TRIP12: variants seen among roughly 807,000 people sequenced by gnomAD.
The protein encoded by TRIP12 is thyroid hormone receptor interactor 12.
In TRIP12, 25 loss-of-function variants were observed where a neutral mutation model predicts 244.2. The ratio of observed to expected loss-of-function variants is 0.10; its 90% CI spans 0.07 to 0.14. The LOEUF (loss-of-function observed/expected upper bound fraction) is 0.14. Ranked by LOEUF, TRIP12 falls within the 10% of genes least tolerant of loss-of-function variation. TRIP12 has a pLI of 1.00. For synonymous variants in TRIP12, 905 were observed against 873.1 expected (o/e 1.04, Z -0.64); for missense variants, 1,677 against 2,486.4 (o/e 0.67, Z 6.92).
intron 13 of TRIP12, 27 bp downstream of exon 13, chr2:229,813,843 G>A: frequency 7.0e-7 from 1 of 1,420,802 alleles, no homozygotes; most frequent in Non-Finnish European, 9.4e-7. Flanking sequence ...AACACTTTAT[G>A]GCACATAAAA....
In TRIP12 at chr2:229,778,771, A is replaced by G; in HGVS notation, c.5209+105T>C. 1 of 1,347,912 alleles carries G rather than the reference A, an allele frequency of 7.4e-7. No homozygotes were observed. The highest frequency in any genetic ancestry group is 1.0e-6 in the Non-Finnish European group (1 of 968,956). 83.5% of individuals were successfully genotyped at this position (1,347,912 alleles called of 1,614,324 possible). ...AATGAGAAAACAGAGGCTAAAAGAAAGCAAGTACAGCTGTCCATTAGAAAT... is the reference window on the plus strand; with the variant it reads ...AATGAGAAAACAGAGGCTAAAAGAAGGCAAGTACAGCTGTCCATTAGAAAT... On this transcript the variant is annotated intron_variant, in intron 35 of 41. Coordinates refer to ENST00000675903, the MANE Select transcript of TRIP12 (RefSeq NM_001348323.3). This position sits in a 1 kb window ranked among gnomAD's most constrained non-coding sequence, Gnocchi z 4.1.
chr2:229,823,632 C>A (rs796325645), intron 8 of TRIP12, among the ~76,000 whole-genome samples: 6 of 151,080 alleles, frequency 4.0e-5, no homozygotes, highest in Non-Finnish European at 8.8e-5. Flanking sequence ...GCTGAGATCG[C>A]GCCACTGCAC....
intron 1 of TRIP12, among the ~76,000 whole-genome samples, chr2:229,896,865 AG>A (rs1435848490): frequency 6.6e-6 from 1 of 152,234 alleles, no homozygotes; most frequent in Non-Finnish European, 1.5e-5. Context: ...AAAAACTTTT[AG>A]GGTGGTAAAA....
intron 2 of TRIP12, among the ~76,000 whole-genome samples, chr2:229,878,222 A>G (rs1168103529): frequency 6.6e-6 from 1 of 152,088 alleles, no homozygotes; most frequent in East Asian, 1.9e-4. Context: ...GGCCAAGGCC[A>G]ATGGATCACT....
At chr2:229,827,715 T>C (rs930288036) in intron 8 of TRIP12, among the ~76,000 whole-genome samples, 9 of 152,208 alleles carry the variant, frequency 5.9e-5, no homozygotes, top group East Asian at 1.9e-4. Flanking sequence ...CTTTAGTATA[T>C]AGAAGGAATA....
intron 1 of TRIP12, among the ~76,000 whole-genome samples, chr2:229,883,210 T>G (rs1286307381): frequency 6.6e-6 from 1 of 152,084 alleles, no homozygotes; most frequent in Non-Finnish European, 1.5e-5. Context: ...TTCTGAATCC[T>G]GGTACTGAGC....
rs2075368065 is a variant in TRIP12 at position 229,916,328 on chromosome 2, CTAT to C, written c.-50+5549_-50+5551del. ...AAATCAGATAATCACTTGAACAGTG[CTAT>C]TAAGGAAAACACACAGTAGCAGGTA... is the stretch of plus-strand genomic sequence containing the variant. On this transcript the variant is annotated intron_variant, in intron 1 of 41. Coordinates refer to ENST00000675903, the MANE Select transcript of TRIP12 (RefSeq NM_001348323.3). 1.8e-4 allele frequency among the ~76,000 whole-genome samples: 28 copies of C among 152,284 alleles called. 1 individual carries two copies. In the South Asian group the frequency reaches 5.8e-3, roughly 32 times the overall value.
At chr2:229,780,706 G>A (rs2037856954) in intron 34 of TRIP12, among the ~76,000 whole-genome samples, 2 of 152,104 alleles carry the variant, frequency 1.3e-5, no homozygotes, top group African/African-American at 4.8e-5. Context: ...CCACTCAAAT[G>A]TCCTCAGACT....
intron 1 of TRIP12, among the ~76,000 whole-genome samples, chr2:229,890,398 C>A (rs1360553225): frequency 1.3e-5 from 2 of 152,144 alleles, no homozygotes; most frequent in South Asian, 2.1e-4. Flanking sequence ...CCACACCCAG[C>A]CTACAGAGGT....
intron 6 of TRIP12, among the ~76,000 whole-genome samples, chr2:229,834,544 G>C (rs553820495): frequency 6.6e-6 from 1 of 152,308 alleles, no homozygotes; most frequent in African/African-American, 2.4e-5. Flanking sequence ...CAGATCACTT[G>C]AGGTCAGGAG....
intron 1 of TRIP12, among the ~76,000 whole-genome samples, chr2:229,897,399 G>A (rs1326575713): frequency 1.3e-5 from 2 of 152,226 alleles, no homozygotes; most frequent in Admixed American, 6.5e-5. Flanking sequence ...TGTAATCCCA[G>A]CACTTTGGGA....
At chr2:229,848,098 T>C (rs1386348356) in intron 4 of TRIP12, among the ~76,000 whole-genome samples, 1 of 151,920 alleles carries the variant, frequency 6.6e-6, no homozygotes, top group East Asian at 1.9e-4. Flanking sequence ...GAAAAAAAGA[T>C]CTAAAAATAA....
chr2:229,844,177 T>C (rs1207348750), intron 4 of TRIP12, among the ~76,000 whole-genome samples: 1 of 152,204 alleles, frequency 6.6e-6, no homozygotes, highest in East Asian at 1.9e-4. Context: ...TAAGATGCTT[T>C]GGGGTACTTC....
intron 1 of TRIP12, 91 bp from the exon 2 acceptor site, chr2:229,880,219 T>C: frequency 1.3e-6 from 1 of 762,934 alleles, no homozygotes; most frequent in Non-Finnish European, 2.1e-6. Flanking sequence ...CATGGAAATT[T>C]TCTGCAAACT....
At chr2:229,800,785 G>T (rs2044089335) in intron 21 of TRIP12, among the ~76,000 whole-genome samples, 1 of 152,110 alleles carries the variant, frequency 6.6e-6, no homozygotes, top group Non-Finnish European at 1.5e-5. Context: ...CATTTGAGCT[G>T]GGCATGCTAG....
At chr2:229,782,153 A>C (rs988727913) in intron 34 of TRIP12, among the ~76,000 whole-genome samples, 23 of 152,170 alleles carry the variant, frequency 1.5e-4, no homozygotes, top group Admixed American at 1.2e-3. Flanking sequence ...CTGCAGTCTC[A>C]TAAGTAACAA....
intron 1 of TRIP12, among the ~76,000 whole-genome samples, chr2:229,897,065 G>A (rs1295299405): frequency 6.6e-6 from 1 of 152,198 alleles, no homozygotes; most frequent in Non-Finnish European, 1.5e-5. Flanking sequence ...TGCATGTTGA[G>A]GGGTAGAGGA....
Position 229,903,018 on chromosome 2 carries a change from C to CTTTTTTTTTTTTTTTTTTTTTTT in TRIP12, c.-50+18861_-50+18862insAAAAAAAAAAAAAAAAAAAAAAA, listed in dbSNP as rs57794819. Among the ~76,000 whole-genome samples the CTTTTTTTTTTTTTTTTTTTTTTT allele has an allele frequency of 1.9e-5, 2 of 104,898 alleles. 1 individual carries two copies. The allele number at this position is 104,898 out of a possible 152,430, so 68.8% of individuals were successfully genotyped here. On this transcript the variant is annotated intron_variant, in intron 1 of 41. Coordinates refer to ENST00000675903, the MANE Select transcript of TRIP12 (RefSeq NM_001348323.3). ...GGTTTTTTTTTCTTTTTCTTTTTTT[C>CTTTTTTTTTTTTTTTTTTTTTTT]TTTTTTTTTTTTTTTTTTGCCAGAA...
intron 34 of TRIP12, among the ~76,000 whole-genome samples, chr2:229,785,223 T>C (rs544052823): frequency 1.6e-4 from 24 of 152,320 alleles, no homozygotes; most frequent in Non-Finnish European, 2.8e-4. Flanking sequence ...ATTTATGATA[T>C]TGTAAAAAAG....
Sources: gnomAD v4.1 joint callset for allele counts (sites outside exome capture counted in the v4.1 genomes callset) on GRCh38, gnomAD v4.1.1 for gene constraint, Gnocchi (gnomAD v3.1) non-coding constraint, MANE v1.5 for transcripts, NCBI Gene and HGNC (gene_info 2026-07-23, HGNC 2026-07-21) for gene names.